BMAL1: variants seen among roughly 807,000 people sequenced by gnomAD.
BMAL1 encodes basic helix-loop-helix ARNT like 1.
chr11:13,346,835 A>G, the BMAL1 span, among the ~76,000 whole-genome samples: 3 of 151,890 alleles, frequency 2.0e-5, no homozygotes. Context: ...AAGCATCCTC[A>G]TCACACACCA....
At chr11:13,284,249 T>C in the BMAL1 span, among the ~76,000 whole-genome samples, 92 of 29,894 alleles carry the variant, frequency 3.1e-3, 17 homozygotes, top group South Asian at 2.5e-3. Flanking sequence ...TATATATATA[T>C]ATATATATAT....
At chr11:13,302,212 G>A in the BMAL1 span, among the ~76,000 whole-genome samples, 4 of 152,184 alleles carry the variant, frequency 2.6e-5, no homozygotes, top group African/African-American at 9.7e-5. Flanking sequence ...GACAATCCCA[G>A]GAGGTGAGAC....
At chr11:13,334,134 C>T in the BMAL1 span, among the ~76,000 whole-genome samples, 14 of 152,194 alleles carry the variant, frequency 9.2e-5, no homozygotes, top group East Asian at 2.7e-3. Context: ...AATGAGGCAA[C>T]TAAGGAACGA....
the BMAL1 span, chr11:13,369,856 T>G: frequency 6.6e-7 from 1 of 1,515,078 alleles, no homozygotes; most frequent in Non-Finnish European, 8.9e-7. Context: ...GTTCCATGGT[T>G]TCTGGCTGGC....
At chr11:13,354,125 CAT>C in the BMAL1 span, among the ~76,000 whole-genome samples, 1 of 152,322 alleles carries the variant, frequency 6.6e-6, no homozygotes, top group African/African-American at 2.4e-5. Context: ...CATTCTATCA[CAT>C]GCCTGTTCTG....
At chr11:13,287,486 C>T in the BMAL1 span, among the ~76,000 whole-genome samples, 2 of 152,150 alleles carry the variant, frequency 1.3e-5, no homozygotes, top group East Asian at 3.8e-4. Context: ...CTGCTATACC[C>T]CTAGCAATGA....
At chr11:13,285,059 G>C in the BMAL1 span, among the ~76,000 whole-genome samples, 4 of 152,092 alleles carry the variant, frequency 2.6e-5, no homozygotes, top group African/African-American at 4.8e-5. Flanking sequence ...TTCCTTGCCC[G>C]TGCCTGCCTT....
the BMAL1 span, chr11:13,372,139 C>G: frequency 6.2e-7 from 1 of 1,612,090 alleles, no homozygotes. Context: ...AGTGCTGACA[C>G]TAACCACGAA....
At chr11:13,306,284 G>C in the BMAL1 span, among the ~76,000 whole-genome samples, 1 of 152,106 alleles carries the variant, frequency 6.6e-6, no homozygotes, top group East Asian at 1.9e-4. Flanking sequence ...AGAGAGCCTA[G>C]GTGGCTGCTG....
chr11:13,339,799 G>A, the BMAL1 span, among the ~76,000 whole-genome samples: 4 of 151,908 alleles, frequency 2.6e-5, no homozygotes, highest in African/African-American at 7.2e-5. Context: ...CTTTCCTCCC[G>A]AGCACTTACT....
At chr11:13,385,352 A>C in the BMAL1 span, among the ~76,000 whole-genome samples, 1,536 of 152,270 alleles carry the variant, frequency 0.01, 14 homozygotes, top group Non-Finnish European at 0.016. Context: ...TTATTCCCTT[A>C]TAGGGGAAAC....
the BMAL1 span, among the ~76,000 whole-genome samples, chr11:13,355,555 T>C: frequency 3.9e-5 from 6 of 152,224 alleles, no homozygotes; most frequent in Non-Finnish European, 8.8e-5. Context: ...TCTTCTGTAA[T>C]TCATGGAGAC....
At chr11:13,328,958 TG>T in the BMAL1 span, among the ~76,000 whole-genome samples, 2 of 152,168 alleles carry the variant, frequency 1.3e-5, no homozygotes, top group African/African-American at 4.8e-5. Context: ...TGAAGGAGAT[TG>T]GTATAAATAA....
the BMAL1 span, among the ~76,000 whole-genome samples, chr11:13,321,780 T>G: frequency 1.3e-5 from 2 of 152,132 alleles, no homozygotes. Flanking sequence ...TAGATTAGAT[T>G]GTTAACTTTT....
At chr11:13,332,156 C>T in the BMAL1 span, among the ~76,000 whole-genome samples, 1 of 152,274 alleles carries the variant, frequency 6.6e-6, no homozygotes, top group East Asian at 1.9e-4. Flanking sequence ...GGAATCAGGG[C>T]TGTGGGCAGA....
the BMAL1 span, among the ~76,000 whole-genome samples, chr11:13,386,404 A>AT: frequency 6.6e-6 from 1 of 152,164 alleles, no homozygotes; most frequent in African/African-American, 2.4e-5. Flanking sequence ...TTTCTTACGT[A>AT]TTTTTAAAAA....
the BMAL1 span, chr11:13,378,562 G>A: frequency 7.1e-7 from 1 of 1,404,364 alleles, no homozygotes; most frequent in Non-Finnish European, 9.7e-7. Flanking sequence ...ACAACTGGGT[G>A]GGAGGTTGCT....
chr11:13,374,248 C>T, the BMAL1 span: 1 of 1,538,160 alleles, frequency 6.5e-7, no homozygotes, highest in Non-Finnish European at 9.0e-7. Flanking sequence ...TGTCCCCTTG[C>T]TTCTAGACTA....
the BMAL1 span, chr11:13,372,413 A>G: frequency 1.2e-6 from 2 of 1,614,160 alleles, no homozygotes; most frequent in East Asian, 2.2e-5. Flanking sequence ...ACCAGAGGTA[A>G]GAGTCTACAT....
Sources: gnomAD v4.1 joint callset for allele counts (sites outside exome capture counted in the v4.1 genomes callset) on GRCh38, gnomAD v4.1.1 for gene constraint, MANE v1.5 for transcripts, NCBI Gene and HGNC (gene_info 2026-07-23, HGNC 2026-07-21) for gene names.